The following HACD2 variants were observed in gnomAD, a reference collection of about 807,000 sequenced individuals.
HACD2 encodes the protein very-long-chain (3R)-3-hydroxyacyl-CoA dehydratase 2.
In HACD2, 15 loss-of-function variants were observed where a neutral mutation model predicts 31.0. That is an observed-to-expected ratio of 0.48 (90% CI 0.32 to 0.75). The LOEUF is 0.75. Among genes scored for constraint, HACD2 ranks in the 30% least tolerant of loss-of-function variants. HACD2 has a pLI of 0.03. For missense variants in HACD2, 283 were observed against 313.0 expected (o/e 0.90, Z 0.72); for synonymous variants, 115 against 122.2 (o/e 0.94, Z 0.39).
Position 123,492,251 on chromosome 3 carries a change from C to T in HACD2, c.*2637G>A, listed in dbSNP as rs919728557. On this transcript the variant is annotated 3_prime_UTR_variant, in exon 7 of 7. Transcript: ENST00000383657. ...GAATTCTCTGTCAGAAGAAGGCCCCCACGGAGGGATCTGAAATACATAATC... is the reference window on the plus strand; with the variant it reads ...GAATTCTCTGTCAGAAGAAGGCCCCTACGGAGGGATCTGAAATACATAATC... 9 of 152,212 alleles carry T rather than the reference C, an allele frequency of 5.9e-5. No homozygotes were observed. Among genetic ancestry groups the T allele is most frequent in the African/African-American group, 2.2e-4 (9 of 41,452 alleles). The allele number at this position is 152,212 out of a possible 1,614,324, so 9.4% of individuals were successfully genotyped here.
At chr3:123,510,341 G>A (rs188556741) in intron 4 of HACD2, among the ~76,000 whole-genome samples, 5 of 152,156 alleles carry the variant, frequency 3.3e-5, no homozygotes, top group South Asian at 2.1e-4. Context: ...TCCACCTCCC[G>A]GGTTCAAGTG....
At chr3:123,567,829 A>G (rs1453926340) in intron 2 of HACD2, 49 bp from the exon 3 acceptor site, 1 of 1,287,096 alleles carries the variant, frequency 7.8e-7, no homozygotes, top group South Asian at 1.5e-5. Flanking sequence ...GAATCAAGAT[A>G]TTAAAGTTTT....
At chr3:123,545,405 C>G (rs1239527993) in intron 3 of HACD2, among the ~76,000 whole-genome samples, 1 of 151,158 alleles carries the variant, frequency 6.6e-6, no homozygotes, top group Non-Finnish European at 1.5e-5. Flanking sequence ...TTGCTTGAAC[C>G]CAGGAGGCAG....
Position 123,525,648 on chromosome 3 carries a change from G to C in HACD2, c.381+2738C>G, listed in dbSNP as rs780310512. Among the ~76,000 whole-genome samples, 7 of 152,292 alleles carry C rather than the reference G, an allele frequency of 4.6e-5. No individual in the cohort carries two copies. In the East Asian group the frequency reaches 7.7e-4, roughly 17 times the overall value. On this transcript the variant is annotated intron_variant, in intron 4 of 6. Coordinates refer to ENST00000383657, the MANE Select transcript of HACD2 (RefSeq NM_198402.5). ...AGCAAAGGAAACACGCAGGGCAGAGGGGGTGGAGCAGGAGTCCAAATTCAC... is the reference window on the plus strand; with the variant it reads ...AGCAAAGGAAACACGCAGGGCAGAGCGGGTGGAGCAGGAGTCCAAATTCAC...
intron 3 of HACD2, among the ~76,000 whole-genome samples, chr3:123,533,224 C>T (rs2056386946): frequency 7.0e-6 from 1 of 143,318 alleles, no homozygotes; most frequent in Admixed American, 6.9e-5. Flanking sequence ...TCATGGCTCA[C>T]TGCAGCCTCA....
intron 3 of HACD2, among the ~76,000 whole-genome samples, chr3:123,530,827 C>T (rs867138029): frequency 5.3e-5 from 8 of 152,150 alleles, no homozygotes; most frequent in African/African-American, 1.9e-4. Flanking sequence ...GCTGAGATTA[C>T]AGGCGTGAGC....
intron 3 of HACD2, among the ~76,000 whole-genome samples, chr3:123,541,831 C>T (rs1333663390): frequency 6.6e-6 from 1 of 152,086 alleles, no homozygotes; most frequent in Non-Finnish European, 1.5e-5. Context: ...GAAATGTTCA[C>T]AATGTAAAAT....
At chr3:123,581,944 A>G (rs77753050) in intron 2 of HACD2, among the ~76,000 whole-genome samples, 65 of 152,330 alleles carry the variant, frequency 4.3e-4, no homozygotes, top group Admixed American at 7.8e-4. Context: ...TGTCCCTAGA[A>G]TTTTTAAAAA....
chr3:123,579,861 T>G (rs2056947095), intron 2 of HACD2, among the ~76,000 whole-genome samples: 2 of 152,194 alleles, frequency 1.3e-5, no homozygotes, highest in Admixed American at 1.3e-4. Flanking sequence ...TTAGGATTTG[T>G]TAAAATTTCC....
intron 4 of HACD2, among the ~76,000 whole-genome samples, chr3:123,527,127 G>A (rs552292456): frequency 3.3e-5 from 5 of 152,350 alleles, no homozygotes; most frequent in African/African-American, 1.2e-4. Flanking sequence ...GAATGTAAAT[G>A]AGTTACTACT....
At chr3:123,581,466 C>A (rs2107763518) in intron 2 of HACD2, among the ~76,000 whole-genome samples, 1 of 152,236 alleles carries the variant, frequency 6.6e-6, no homozygotes, top group Admixed American at 6.5e-5. Context: ...GACACAGATG[C>A]TGCGAAAAAT....
At chr3:123,544,176 G>A (rs984315389) in intron 3 of HACD2, among the ~76,000 whole-genome samples, 1 of 152,174 alleles carries the variant, frequency 6.6e-6, no homozygotes, top group African/African-American at 2.4e-5. Flanking sequence ...AGAGCCTGTC[G>A]ACAGCACATA....
chr3:123,528,477 G>A lies in HACD2; in HGVS notation c.293-3C>T. On this transcript the variant is annotated splice_polypyrimidine_tract_variant and splice_region_variant and intron_variant, in intron 3 of 6. Transcript: ENST00000383657. ...GACAACAGAAGATGGAACAATTCCT[G>A]AAAGAAATTTTGGGATGGATAAATA... 1.9e-6 allele frequency: 3 copies of A among 1,593,800 alleles called. No individual in the cohort carries two copies. The highest frequency in any genetic ancestry group is 2.6e-6 in the Non-Finnish European group (3 of 1,161,688).
chr3:123,565,690 C>G (rs1394129118), intron 3 of HACD2, among the ~76,000 whole-genome samples: 1 of 152,164 alleles, frequency 6.6e-6, no homozygotes, highest in East Asian at 1.9e-4. Flanking sequence ...TATACAGAGA[C>G]AGCTGAAGGT....
intron 3 of HACD2, among the ~76,000 whole-genome samples, chr3:123,556,220 T>C (rs976693346): frequency 6.6e-6 from 1 of 152,062 alleles, no homozygotes; most frequent in African/African-American, 2.4e-5. Flanking sequence ...GCAGATCTAT[T>C]GACCCCAGGA....
intron 3 of HACD2, among the ~76,000 whole-genome samples, chr3:123,559,886 A>G (rs926474448): frequency 1.3e-5 from 2 of 152,172 alleles, no homozygotes; most frequent in Non-Finnish European, 2.9e-5. Flanking sequence ...GAGTGCTTGC[A>G]AAGTGCGAGG....
chr3:123,513,029 C>T lies in HACD2; in HGVS notation c.382-10348G>A, dbSNP rs1361452043. Reference sequence around the variant, plus strand: ...TTCCAGGGCTGGGGCTGGGGAAGTACAAGATGAGTCTGGAAATCTTTTTGT... The same window carrying T: ...TTCCAGGGCTGGGGCTGGGGAAGTATAAGATGAGTCTGGAAATCTTTTTGT... On this transcript the variant is annotated intron_variant, in intron 4 of 6. Coordinates refer to ENST00000383657, the MANE Select transcript of HACD2 (RefSeq NM_198402.5). Among the ~76,000 whole-genome samples the T allele has an allele frequency of 2.0e-5, 3 of 151,982 alleles. No homozygotes were observed. In the East Asian group the frequency reaches 5.8e-4, roughly 29 times the overall value.
At position 123,492,573 on chromosome 3, in the gene HACD2, G is replaced by A. The variant is rs2055776978; in HGVS notation, c.*2315C>T. ...TTGATGTACAAAAATACACACTGGG[G>A]TTGAGACCCTTTTTGAAAAGGGAGC... On this transcript the variant is annotated 3_prime_UTR_variant, in exon 7 of 7. Coordinates refer to ENST00000383657, the MANE Select transcript of HACD2 (RefSeq NM_198402.5). 1 of 152,154 alleles carries A rather than the reference G, an allele frequency of 6.6e-6. No homozygotes were observed. The highest frequency in any genetic ancestry group is 6.5e-5 in the Admixed American group (1 of 15,274). The allele number at this position is 152,154 out of a possible 1,614,324, so 9.4% of individuals were successfully genotyped here. A position where few individuals can be genotyped will look rare whatever the true frequency, so the allele number is the denominator to read the frequency against.
At chr3:123,570,707 G>C (rs1243232283) in intron 2 of HACD2, among the ~76,000 whole-genome samples, 1 of 152,094 alleles carries the variant, frequency 6.6e-6, no homozygotes, top group Non-Finnish European at 1.5e-5. Context: ...ATCCTATTGA[G>C]ACATACAATC....
Sources: gnomAD v4.1 joint callset for allele counts (sites outside exome capture counted in the v4.1 genomes callset) on GRCh38, gnomAD v4.1.1 for gene constraint, MANE v1.5 for transcripts, NCBI Gene and HGNC (gene_info 2026-07-23, HGNC 2026-07-21) for gene names.